Variants in LSG1 observed in about 807,000 individuals in gnomAD.
LSG1 encodes large subunit GTPase 1 homolog.
LSG1 carries 55 observed loss-of-function variants against 82.6 expected under a neutral mutation model. The observed-to-expected ratio is 0.67, with a 90% CI of 0.54 to 0.83. The LOEUF (loss-of-function observed/expected upper bound fraction) is 0.83. Ranked by LOEUF, LSG1 falls within the 40% of genes least tolerant of loss-of-function variation. The probability of loss-of-function intolerance (pLI) is 0.00; values close to 1 mark genes in which losing one functional copy is unlikely to be tolerated. For synonymous variants in LSG1, 272 were observed against 282.5 expected, an observed-to-expected ratio of 0.96 and a Z score of 0.37; for missense variants, 809 against 807.9, an observed-to-expected ratio of 1.00 and a Z score of -0.02.
chr3:194,650,893 AG>A lies in LSG1; in HGVS notation c.1406del (p.Pro469LeufsTer5), dbSNP rs1718659321. 1 of 1,613,588 alleles carries A rather than the reference AG, an allele frequency of 6.2e-7. No individual in the cohort carries two copies. On this transcript the variant is annotated frameshift_variant, in exon 10 of 14. Coordinates refer to ENST00000265245, the MANE Select transcript of LSG1 (RefSeq NM_018385.3). LOFTEE classifies it high-confidence loss of function. ...GCAGAAAGGATATTAGTGATACAGG[AG>A]GAACATGATCTCTCATCTGATCAAT... ...LPIDQMRDHVPPVSLVCQNIP... is the reference protein window; with the variant it reads ...LPIDQMRDHVXPVSLVCQNIP...
In LSG1 at chr3:194,670,116, T is replaced by C. The variant is rs1444277879; in HGVS notation, c.119A>G (p.Asn40Ser). 15 of 1,603,876 alleles carry C rather than the reference T, an allele frequency of 9.4e-6. No individual in the cohort carries two copies. The highest frequency in any genetic ancestry group is 1.3e-5 in the Non-Finnish European group (15 of 1,176,730). Residue 40 changes from asparagine (N) to serine (S), a missense_variant, in exon 2 of 14, where the codon AAT becomes AGT. Coordinates refer to ENST00000265245, the MANE Select transcript of LSG1 (RefSeq NM_018385.3). ...AAGACGACCCCAATCATAGCCATCA[T>C]TGAGTTCACTTGTGTGCAACTATGA... ...TDSWLHTSELNDGYDWGRLNL... is the reference protein window; with the variant it reads ...TDSWLHTSELSDGYDWGRLNL...
In LSG1 at chr3:194,652,514, A is replaced by G. The variant is rs536208673; in HGVS notation, c.1173+215T>C. On this transcript the variant is annotated intron_variant, in intron 8 of 13. Coordinates refer to ENST00000265245, the MANE Select transcript of LSG1 (RefSeq NM_018385.3). ...ACTGGAGAATACATTCAATGTGAAT[A>G]GGTATGTTACCAACACAGGCCTTGA... Among the ~76,000 whole-genome samples, 6 of 152,344 alleles carry G rather than the reference A, an allele frequency of 3.9e-5. No individual in the cohort carries two copies. In the South Asian group the frequency reaches 6.2e-4, roughly 16 times the overall value.
At position 194,641,485 on chromosome 3, in the gene LSG1, A is replaced by G. The variant is rs2108613041; in HGVS notation, c.*583T>C. ...TTACATTCTACATGTTCCTTAGTGG[A>G]CGTGAGCCCCCGCTGTACACTAACT... On this transcript the variant is annotated 3_prime_UTR_variant, in exon 14 of 14. Transcript: ENST00000265245. 6.6e-6 allele frequency: 1 copy of G among 152,308 alleles called. No homozygotes were observed. The highest frequency in any genetic ancestry group is 2.1e-4 in the South Asian group (1 of 4,824). 9.4% of individuals were successfully genotyped at this position (152,308 alleles called of 1,614,324 possible).
chr3:194,669,932 A>G lies in LSG1; in HGVS notation c.226+77T>C, dbSNP rs1577261536. 8 of 1,537,484 alleles carry G rather than the reference A, an allele frequency of 5.2e-6. No homozygotes were observed. In the East Asian group the frequency reaches 1.1e-4, roughly 22 times the overall value. ...GGTGACAGAGCGAGACTCCATCTCA[A>G]AACAAAAAACAAAAAAAACCTCAGC... On this transcript the variant is annotated intron_variant, in intron 2 of 13. Transcript: ENST00000265245.
chr3:194,665,112 A>G (rs899920898), intron 5 of LSG1, among the ~76,000 whole-genome samples: 4 of 152,166 alleles, frequency 2.6e-5, no homozygotes, highest in African/African-American at 9.7e-5. Context: ...ATTGCATGTC[A>G]TTCATCTGTG....
intron 6 of LSG1, 43 bp from the exon 7 acceptor site, chr3:194,659,176 TA>T (rs11357453): frequency 0.67 from 989,311 of 1,467,484 alleles, 340,530 homozygotes; most frequent in East Asian, 0.86. Context: ...TTCAAACAAG[TA>T]AAAAAATGAG....
In LSG1 at chr3:194,641,826, G is replaced by A. The variant is rs147361541; in HGVS notation, c.*242C>T. Reference sequence around the variant, plus strand: ...AGACGGGGTTTCTCCATGTTGGTGCGTGAGCCACTGTGCCCGGCCAGGAGT... The same window carrying A: ...AGACGGGGTTTCTCCATGTTGGTGCATGAGCCACTGTGCCCGGCCAGGAGT... On this transcript the variant is annotated 3_prime_UTR_variant, in exon 14 of 14. Coordinates refer to ENST00000265245, the MANE Select transcript of LSG1 (RefSeq NM_018385.3). The A allele has an allele frequency of 3.2e-4, 122 of 377,168 alleles. No individual in the cohort carries two copies. The highest frequency in any genetic ancestry group is 5.9e-4 in the South Asian group (9 of 15,332). The allele number at this position is 377,168 out of a possible 1,614,324, so 23.4% of individuals were successfully genotyped here.
rs1422142814 is a variant in LSG1 at position 194,666,562 on chromosome 3, AT to A, written c.236del (p.Asn79IlefsTer59). 6.2e-7 allele frequency: 1 copy of A among 1,611,410 alleles called. No individual in the cohort carries two copies. The highest frequency in any genetic ancestry group is 1.7e-5 in the Admixed American group (1 of 59,490). The part of the protein sequence containing the change: ...AGTEFVAEKL[N>X]IKFVPAEART... The stretch of plus-strand genomic sequence containing the variant: ...TAGCCTCAGCAGGCACAAACTTAAT[AT>A]TAAGTTTCTCTGTTCAAATAAAGAA... On this transcript the variant is annotated frameshift_variant, in exon 3 of 14. Transcript: ENST00000265245. LOFTEE classifies it high-confidence loss of function.
chr3:194,655,011 A>C (rs1718763410), intron 7 of LSG1, among the ~76,000 whole-genome samples: 1 of 152,220 alleles, frequency 6.6e-6, no homozygotes, highest in Admixed American at 6.5e-5. Context: ...TAATACATTC[A>C]TGTTTGATAC....
chr3:194,668,692 T>C (rs1234412590), intron 2 of LSG1, among the ~76,000 whole-genome samples: 3 of 152,306 alleles, frequency 2.0e-5, no homozygotes, highest in African/African-American at 7.2e-5. Flanking sequence ...TTCCTTAAAA[T>C]TCATCAGTGA....
In LSG1 at chr3:194,644,728, G is replaced by A. The variant is rs1307970323; in HGVS notation, c.1642C>T (p.His548Tyr). The A allele has an allele frequency of 1.9e-6, 3 of 1,606,352 alleles. No homozygotes were observed. In the African/African-American group the frequency reaches 4.0e-5, roughly 21 times the overall value. ...DYVSGKLLYC[H>Y]PPPGRDPVTF... ...ACAGGATCTCTTCCAGGAGGAGGAT[G>A]GCAGTACAGCAGCTTACCCTACAAA... is the stretch of plus-strand genomic sequence containing the variant. Residue 548 changes from histidine to tyrosine, a missense_variant, in exon 13 of 14, where the codon CAT (histidine) becomes TAT (tyrosine). Physicochemically the swap from His to Tyr is moderately conservative, Grantham distance 83. Coordinates refer to ENST00000265245, the MANE Select transcript of LSG1 (RefSeq NM_018385.3).
intron 13 of LSG1, among the ~76,000 whole-genome samples, chr3:194,643,746 A>G (rs1718448170): frequency 6.6e-6 from 1 of 152,216 alleles, no homozygotes; most frequent in South Asian, 2.1e-4. Flanking sequence ...ACCTGTACAC[A>G]AGTGTTCATT....
intron 7 of LSG1, among the ~76,000 whole-genome samples, chr3:194,657,671 T>A (rs1027700554): frequency 2.0e-5 from 3 of 151,996 alleles, no homozygotes; most frequent in Non-Finnish European, 4.4e-5. Flanking sequence ...TTGCCTGTGG[T>A]CCTGACGCAA....
At chr3:194,669,803 G>C (rs1049454190) in intron 2 of LSG1, among the ~76,000 whole-genome samples, 22 of 152,148 alleles carry the variant, frequency 1.4e-4, no homozygotes, top group African/African-American at 5.3e-4. Context: ...GTGGCAGTGC[G>C]TGCCTGTAGT....
chr3:194,658,817 T>A (rs1275548967), intron 7 of LSG1, 140 bp downstream of exon 7: 2 of 815,318 alleles, frequency 2.5e-6, no homozygotes, highest in South Asian at 3.8e-5. Context: ...TTTCTATAGG[T>A]CATCCTAATC....
chr3:194,645,569 CAG>C lies in LSG1; in HGVS notation c.1623+593_1623+594del, dbSNP rs1331885811. Among the ~76,000 whole-genome samples the C allele has an allele frequency of 1.7e-3, 99 of 57,268 alleles. 13 individuals are homozygous for C. The highest frequency in any genetic ancestry group is 3.6e-3 in the African/African-American group (57 of 15,852). The allele number at this position is 57,268 out of a possible 152,430, so 37.6% of individuals were successfully genotyped here. ...ACACACACACACACACACACACACA[CAG>C]ACAGACACACACACACACACACACA... On this transcript the variant is annotated intron_variant, in intron 12 of 13. Coordinates refer to ENST00000265245, the MANE Select transcript of LSG1 (RefSeq NM_018385.3).
chr3:194,655,574 G>A (rs1430640557), intron 7 of LSG1, among the ~76,000 whole-genome samples: 1 of 152,054 alleles, frequency 6.6e-6, no homozygotes, highest in Non-Finnish European at 1.5e-5. Flanking sequence ...GTGGTGTCTG[G>A]TAAAGAATAT....
Position 194,653,104 on chromosome 3 carries a change from G to C in LSG1, c.798C>G (p.Thr266=), listed in dbSNP as rs1705991. 2.5e-6 allele frequency: 4 copies of C among 1,613,400 alleles called. No homozygotes were observed. The South Asian group carries it at 3.3e-5, about 13-fold the overall frequency. ...ANRDDRQSNT[T]KFGHSSFDQA... ...GGTCGAAACTGGAATGTCCAAACTT[G>C]GTTGTGTTGCTTTGTCTATCATCTC... Residue 266 remains threonine (T), a synonymous_variant, in exon 8 of 14, where the codon ACC becomes ACG. Coordinates refer to ENST00000265245, the MANE Select transcript of LSG1 (RefSeq NM_018385.3).
intron 2 of LSG1, 93 bp downstream of exon 2, chr3:194,669,916 G>T: frequency 7.0e-7 from 1 of 1,434,882 alleles, no homozygotes; most frequent in Non-Finnish European, 9.4e-7. Context: ...GGGTGACAGA[G>T]CGAGACTCCA....
Sources: allele counts gnomAD v4.1 joint callset (sites outside exome capture counted in the v4.1 genomes callset), GRCh38; gene constraint gnomAD v4.1.1; transcripts MANE v1.5; gene names NCBI Gene and HGNC (gene_info 2026-07-23, HGNC 2026-07-21).